Variants in OTOGL observed in about 807,000 individuals in gnomAD.
OTOGL encodes the protein otogelin like, also known as otogelin-like protein.
Under a neutral mutation model 318.5 loss-of-function variants are expected in OTOGL, and 285 were observed. The ratio of observed to expected loss-of-function variants is 0.89; its 90% CI spans 0.81 to 0.99. The LOEUF is 0.99. Ranked by LOEUF, OTOGL falls within the 50% of genes least tolerant of loss-of-function variation. The pLI is 0.00. For synonymous variants in OTOGL, 987 were observed against 936.5 expected (o/e 1.05, Z -0.99); for missense variants, 2,899 against 2,845.6 (o/e 1.02, Z -0.43).
intron 26 of OTOGL, among the ~76,000 whole-genome samples, chr12:80,281,477 G>C (rs1185353546): frequency 6.6e-6 from 1 of 151,896 alleles, no homozygotes; most frequent in Non-Finnish European, 1.5e-5. Context: ...TTTTAGTTCT[G>C]TTTGTGTGAT....
intron 1 of OTOGL, among the ~76,000 whole-genome samples, chr12:80,109,897 C>G (rs1869722735): frequency 6.6e-6 from 1 of 151,974 alleles, no homozygotes; most frequent in Non-Finnish European, 1.5e-5. Context: ...ATCACAAAAT[C>G]TAGTAAATTC....
intron 26 of OTOGL, among the ~76,000 whole-genome samples, chr12:80,286,185 G>T (rs1266889529): frequency 1.3e-5 from 2 of 152,146 alleles, no homozygotes; most frequent in Non-Finnish European, 2.9e-5. Context: ...TTATTGATTT[G>T]TGTATGTTGA....
At chr12:80,291,627 G>A (rs894064504) in intron 26 of OTOGL, among the ~76,000 whole-genome samples, 1 of 152,174 alleles carries the variant, frequency 6.6e-6, no homozygotes, top group African/African-American at 2.4e-5. Context: ...AAGGTGTCAG[G>A]CCAGTCTGTA....
intron 1 of OTOGL, among the ~76,000 whole-genome samples, chr12:80,124,828 G>C (rs1313707293): frequency 6.6e-6 from 1 of 151,998 alleles, no homozygotes; most frequent in Non-Finnish European, 1.5e-5. Flanking sequence ...CTCATGATTT[G>C]GCTCTCTGTT....
At chr12:80,102,840 G>A (rs1869221202) in intron 1 of OTOGL, 1 of 693,832 alleles carries the variant, frequency 1.4e-6, no homozygotes, top group Non-Finnish European at 2.6e-6. Context: ...CTAGTCATAA[G>A]GCTCTTCTTT....
Position 80,320,674 on chromosome 12 carries a change from A to T in OTOGL, c.4055A>T (p.Lys1352Ile). The T allele has an allele frequency of 6.2e-7, 1 of 1,606,532 alleles. No individual in the cohort carries two copies. Among genetic ancestry groups the T allele is most frequent in the Non-Finnish European group, 8.5e-7 (1 of 1,176,132 alleles). ...AAATATGATGATTCTGAAGAATTTA[A>T]ACATTCAAGTAGCTTCAGCATAGAA... ...ASKYDDSEEF[K>I]HSSSFSIEEI... Residue 1352 changes from lysine to isoleucine, a missense_variant, in exon 34 of 59, where the codon AAA (lysine) becomes ATA (isoleucine). Lys to Ile is a moderately radical substitution (Grantham distance 102, BLOSUM62 -3). Coordinates refer to ENST00000547103, the MANE Select transcript of OTOGL (RefSeq NM_001378609.3).
chr12:80,128,496 C>T (rs1454858236), intron 1 of OTOGL, among the ~76,000 whole-genome samples: 2 of 152,246 alleles, frequency 1.3e-5, no homozygotes. Flanking sequence ...CAGGGACCCA[C>T]TTGAGGAGGC....
chr12:80,179,645 A>T (rs151254516), intron 1 of OTOGL, among the ~76,000 whole-genome samples: 1 of 152,296 alleles, frequency 6.6e-6, no homozygotes, highest in African/African-American at 2.4e-5. Flanking sequence ...TCATTGATGG[A>T]CTAGTTGGAC....
Position 80,102,635 on chromosome 12 carries a change from T to C in OTOGL, c.-20+3030T>C, listed in dbSNP as rs76054530. Among the ~76,000 whole-genome samples the C allele has an allele frequency of 3.4e-3, 516 of 152,256 alleles. 3 individuals carry two copies. The highest frequency in any genetic ancestry group is 0.012 in the African/African-American group (490 of 41,542). On this transcript the variant is annotated intron_variant, in intron 1 of 58. Coordinates refer to ENST00000547103, the MANE Select transcript of OTOGL (RefSeq NM_001378609.3). ...CCTGATGGTCTCTTCCCTTCAATTT[T>C]CCCCCACTCCCAATTGTATCTATCC... is the stretch of plus-strand genomic sequence containing the variant.
intron 3 of OTOGL, 151 bp from the exon 4 acceptor site, chr12:80,211,798 G>C: frequency 1.6e-6 from 1 of 634,006 alleles, no homozygotes; most frequent in Non-Finnish European, 2.7e-6. Flanking sequence ...TCCAGAAAGG[G>C]GAGGGAGGAC....
chr12:80,228,511 C>T (rs997710528), intron 7 of OTOGL, among the ~76,000 whole-genome samples: 5 of 151,846 alleles, frequency 3.3e-5, no homozygotes, highest in African/African-American at 7.3e-5. Flanking sequence ...ACAAAAAACC[C>T]GTATATTATT....
chr12:80,234,901 A>G (rs553382872), intron 9 of OTOGL, among the ~76,000 whole-genome samples: 3 of 152,290 alleles, frequency 2.0e-5, no homozygotes, highest in African/African-American at 7.2e-5. Context: ...ATTGAATGAG[A>G]AAATGTAAAT....
chr12:80,195,522 T>C (rs888330422), intron 1 of OTOGL, among the ~76,000 whole-genome samples: 4 of 152,212 alleles, frequency 2.6e-5, no homozygotes, highest in African/African-American at 9.7e-5. Flanking sequence ...AATAGGCTGG[T>C]TAGTAGAATG....
At chr12:80,301,692 T>A (rs1015434475) in intron 27 of OTOGL, among the ~76,000 whole-genome samples, 39 of 152,152 alleles carry the variant, frequency 2.6e-4, no homozygotes, top group Non-Finnish European at 7.3e-5. Context: ...GCAAGAAGCC[T>A]TATGGAGTAC....
chr12:80,313,884 A>G (rs1407603353), intron 31 of OTOGL, among the ~76,000 whole-genome samples: 2 of 152,170 alleles, frequency 1.3e-5, no homozygotes, highest in African/African-American at 4.8e-5. Flanking sequence ...AAATTATTTA[A>G]ATACCATCCT....
intron 18 of OTOGL, among the ~76,000 whole-genome samples, chr12:80,261,337 TG>T (rs1419828114): frequency 6.6e-6 from 1 of 152,140 alleles, no homozygotes; most frequent in Non-Finnish European, 1.5e-5. Flanking sequence ...TACATCTGAA[TG>T]GCTGCTGGGG....
rs2700475 is a variant in OTOGL, at chr12:80,214,725, C to A, written c.168+2728C>A. 4.1e-3 allele frequency among the ~76,000 whole-genome samples: 627 copies of A among 152,122 alleles called. 3 individuals are homozygous for A. The highest frequency in any genetic ancestry group is 0.014 in the African/African-American group (586 of 41,496). On this transcript the variant is annotated intron_variant, in intron 4 of 58. Transcript: ENST00000547103. ...TGAGATATAAACAAGAATAGCAGTG[C>A]CTGTTATCTAGAAACTCCATCTGTT...
chr12:80,140,117 C>T (rs117344634), intron 1 of OTOGL, among the ~76,000 whole-genome samples: 5,161 of 152,238 alleles, frequency 0.034, 143 homozygotes, highest in Middle Eastern at 0.061. Context: ...TTGCCTCTCC[C>T]CTTTACTTTG....
At chr12:80,277,613 A>T (rs966274230) in intron 24 of OTOGL, among the ~76,000 whole-genome samples, 1 of 151,440 alleles carries the variant, frequency 6.6e-6, no homozygotes, top group Non-Finnish European at 1.5e-5. Flanking sequence ...TTCAAAAGTT[A>T]TCACATTAAA....
Sources: gnomAD v4.1 joint callset for allele counts (sites outside exome capture counted in the v4.1 genomes callset) on GRCh38, gnomAD v4.1.1 for gene constraint, MANE v1.5 for transcripts, NCBI Gene and HGNC (gene_info 2026-07-23, HGNC 2026-07-21) for gene names.